Variants in JAKMIP2 observed in about 807,000 individuals in gnomAD.
JAKMIP2 encodes janus kinase and microtubule-interacting protein 2.
JAKMIP2 carries 25 observed loss-of-function variants against 115.0 expected under a neutral mutation model. The ratio of observed to expected loss-of-function variants is 0.22; its 90% CI spans 0.16 to 0.30. The LOEUF (loss-of-function observed/expected upper bound fraction) is 0.30. JAKMIP2 is among the 10% of genes least tolerant of loss of function. JAKMIP2 has a pLI of 1.00. For missense variants in JAKMIP2, 642 were observed against 957.6 expected, an observed-to-expected ratio of 0.67 and a Z score of 4.35; for synonymous variants, 334 against 343.6, an observed-to-expected ratio of 0.97 and a Z score of 0.31.
At chr5:147,613,456 G>A (rs1459610386) in intron 19 of JAKMIP2, among the ~76,000 whole-genome samples, 1 of 152,162 alleles carries the variant, frequency 6.6e-6, no homozygotes, top group Admixed American at 6.5e-5. Flanking sequence ...TAAAAGAGTA[G>A]ATCTCAACTG....
At chr5:147,691,038 T>C (rs1751820074) in intron 1 of JAKMIP2, among the ~76,000 whole-genome samples, 1 of 152,080 alleles carries the variant, frequency 6.6e-6, no homozygotes, top group Non-Finnish European at 1.5e-5. Context: ...CTTCTCAAGA[T>C]TGGTTAATGT....
Position 147,644,940 on chromosome 5 carries a change from C to T in JAKMIP2, c.993G>A (p.Lys331=), listed in dbSNP as rs748291476. The T allele has an allele frequency of 1.9e-6, 3 of 1,613,862 alleles. No individual in the cohort carries two copies. The highest frequency in any genetic ancestry group is 4.5e-5 in the East Asian group (2 of 44,850). Reference sequence around the variant, plus strand: ...GTTCATCGTTTCTCTTGGCGAGGCACTTGTTCCTTTCCAGGAGAGGTTTAC... The same window carrying T: ...GTTCATCGTTTCTCTTGGCGAGGCATTTGTTCCTTTCCAGGAGAGGTTTAC... ...KQCKPLLERN[K]CLAKRNDELM... The change falls in exon 6 of 22, where the codon AAG becomes AAA. Residue 331 remains lysine, a synonymous_variant. Transcript: ENST00000616793.
chr5:147,687,883 C>T (rs906168093), intron 1 of JAKMIP2, among the ~76,000 whole-genome samples: 1 of 152,154 alleles, frequency 6.6e-6, no homozygotes, highest in African/African-American at 2.4e-5. Flanking sequence ...TTACATAAAA[C>T]ACAAAATGAA....
At chr5:147,619,378 T>C (rs199757967) in intron 18 of JAKMIP2, among the ~76,000 whole-genome samples, 2 of 152,064 alleles carry the variant, frequency 1.3e-5, no homozygotes, top group East Asian at 3.9e-4. Flanking sequence ...TAGCATCAAA[T>C]ACCCATTCTC....
At chr5:147,604,800 T>TTTA (rs145441560) in intron 20 of JAKMIP2, among the ~76,000 whole-genome samples, 3,171 of 143,486 alleles carry the variant, frequency 0.022, 83 homozygotes, top group African/African-American at 0.063. Context: ...GGCCAGACAT[T>TTTA]TTATTATTAT....
At chr5:147,767,303 T>G (rs1373014364) in intron 1 of JAKMIP2, among the ~76,000 whole-genome samples, 1 of 152,200 alleles carries the variant, frequency 6.6e-6, no homozygotes, top group Non-Finnish European at 1.5e-5. Flanking sequence ...GAAAATGTGA[T>G]GGACAGTCAC....
At chr5:147,764,945 A>AGGGAGAGAGAGAGAGAGAGAGG (rs1755081733) in intron 1 of JAKMIP2, among the ~76,000 whole-genome samples, 1 of 89,092 alleles carries the variant, frequency 1.1e-5, no homozygotes, top group African/African-American at 6.0e-5. Flanking sequence ...AGAGAGAGAG[A>AGGGAGAGAGAGAGAGAGAGAGG]GGGAGAGAGA....
intron 1 of JAKMIP2, among the ~76,000 whole-genome samples, chr5:147,694,997 C>A (rs543607795): frequency 6.6e-6 from 1 of 152,084 alleles, no homozygotes; most frequent in Non-Finnish European, 1.5e-5. Context: ...CACATGCAAG[C>A]GAGCCAATTT....
chr5:147,663,545 G>A (rs1759140731), intron 2 of JAKMIP2, among the ~76,000 whole-genome samples: 1 of 152,060 alleles, frequency 6.6e-6, no homozygotes. Flanking sequence ...GATTGTGTGA[G>A]TCAATACTCG....
intron 20 of JAKMIP2, among the ~76,000 whole-genome samples, chr5:147,604,274 C>T (rs1755877839): frequency 1.3e-5 from 2 of 152,158 alleles, no homozygotes; most frequent in South Asian, 2.1e-4. Flanking sequence ...AGAATGTATA[C>T]TTTGGGTCAG....
chr5:147,600,974 T>C (rs1273363759), intron 21 of JAKMIP2, among the ~76,000 whole-genome samples: 1 of 152,002 alleles, frequency 6.6e-6, no homozygotes, highest in Non-Finnish European at 1.5e-5. Context: ...GGAAAAGGGG[T>C]GAAAAAAACA....
At chr5:147,647,010 C>T (rs1417758980) in intron 5 of JAKMIP2, among the ~76,000 whole-genome samples, 1 of 151,924 alleles carries the variant, frequency 6.6e-6, no homozygotes, top group Admixed American at 6.6e-5. Context: ...TATTAACAAA[C>T]TTCAATCAAA....
At chr5:147,640,515 G>T (rs1757831489) in intron 9 of JAKMIP2, among the ~76,000 whole-genome samples, 189 bp downstream of exon 9, 1 of 152,140 alleles carries the variant, frequency 6.6e-6, no homozygotes, top group South Asian at 2.1e-4. Context: ...ATTTCTAAAA[G>T]GTTTACCTGC....
chr5:147,720,132 T>A (rs2126938428), intron 1 of JAKMIP2, among the ~76,000 whole-genome samples: 1 of 152,272 alleles, frequency 6.6e-6, no homozygotes. Flanking sequence ...GGATATGAAA[T>A]TCTGGGTTGA....
At position 147,782,723 on chromosome 5, in the gene JAKMIP2, G is replaced by T; in HGVS notation, c.-416C>A. ...CCTCCTCCCTCTCGGAGGATGGGGT[G>T]AGCTCGGAAGCAGCCAGGAACTTGC... On this transcript the variant is annotated 5_prime_UTR_variant, in exon 1 of 22. Transcript: ENST00000616793. 1 of 579,192 alleles carries T rather than the reference G, an allele frequency of 1.7e-6. No homozygotes were observed. The highest frequency in any genetic ancestry group is 3.1e-5 in the East Asian group (1 of 32,268). 35.9% of individuals were successfully genotyped at this position (579,192 alleles called of 1,614,324 possible).
At chr5:147,667,482 G>T (rs113236448) in intron 2 of JAKMIP2, among the ~76,000 whole-genome samples, 4 of 152,228 alleles carry the variant, frequency 2.6e-5, no homozygotes, top group African/African-American at 9.6e-5. Flanking sequence ...ATTAAAAATT[G>T]GACAGCTCAG....
chr5:147,670,505 C>T (rs1236558199), intron 2 of JAKMIP2, among the ~76,000 whole-genome samples: 1 of 152,118 alleles, frequency 6.6e-6, no homozygotes, highest in Non-Finnish European at 1.5e-5. Context: ...GATATTCATA[C>T]CACCTTGGTG....
intron 3 of JAKMIP2, among the ~76,000 whole-genome samples, chr5:147,657,123 C>T (rs35542336): frequency 0.25 from 38,380 of 151,874 alleles, 6,128 homozygotes; most frequent in East Asian, 0.46. Flanking sequence ...ACTAAAAATA[C>T]AAAAAAATTG....
intron 20 of JAKMIP2, among the ~76,000 whole-genome samples, chr5:147,604,862 T>C (rs1466815043): frequency 2.7e-5 from 4 of 150,874 alleles, no homozygotes; most frequent in African/African-American, 7.3e-5. Flanking sequence ...TTCTGGGATA[T>C]ATGCGCAGAA....
Sources: allele counts gnomAD v4.1 joint callset (sites outside exome capture counted in the v4.1 genomes callset), GRCh38; gene constraint gnomAD v4.1.1; transcripts MANE v1.5; gene names NCBI Gene and HGNC (gene_info 2026-07-23, HGNC 2026-07-21).